ZC2HC1B: variants seen among roughly 807,000 people sequenced by gnomAD.
ZC2HC1B encodes zinc finger C2HC domain-containing protein 1B.
ZC2HC1B carries 36 observed loss-of-function variants against 31.0 expected under a neutral mutation model. That is an observed-to-expected ratio of 1.16 (90% CI 0.89 to 1.54). The LOEUF (loss-of-function observed/expected upper bound fraction) is 1.54. ZC2HC1B is among the 40% of genes most tolerant of loss of function. The pLI, the probability that ZC2HC1B is intolerant of heterozygous loss-of-function variation, is 0.00. For synonymous variants in ZC2HC1B, 73 were observed against 88.0 expected (o/e 0.83, Z 0.95); for missense variants, 260 against 268.6 (o/e 0.97, Z 0.22).
chr6:143,890,523 T>C (rs1452281483), intron 4 of ZC2HC1B, among the ~76,000 whole-genome samples: 1 of 152,008 alleles, frequency 6.6e-6, no homozygotes, highest in East Asian at 1.9e-4. Flanking sequence ...ACTTTCCCAC[T>C]GAGATCAGGA....
intron 4 of ZC2HC1B, among the ~76,000 whole-genome samples, chr6:143,891,130 CAAA>C (rs537109022): frequency 6.4e-5 from 5 of 77,860 alleles, no homozygotes; most frequent in Admixed American, 1.3e-4. Flanking sequence ...GACTCCATCT[CAAA>C]AAAAAAAAAA....
chr6:143,867,944 C>G (rs1777286561), intron 1 of ZC2HC1B, among the ~76,000 whole-genome samples: 1 of 152,148 alleles, frequency 6.6e-6, no homozygotes, highest in African/African-American at 2.4e-5. Context: ...AAATGGGGTA[C>G]AGGGGATGTA....
Position 143,886,183 on chromosome 6 carries a change from T to C in ZC2HC1B, c.210+32T>C. 6.7e-7 allele frequency: 1 copy of C among 1,496,194 alleles called. No individual in the cohort carries two copies. Among genetic ancestry groups the C allele is most frequent in the South Asian group, 1.4e-5 (1 of 73,244 alleles). 92.7% of individuals were successfully genotyped at this position (1,496,194 alleles called of 1,614,324 possible). On this transcript the variant is annotated intron_variant, in intron 3 of 7. Transcript: ENST00000237275. The surrounding 1 kb of genome is among the most constrained non-coding windows in gnomAD (Gnocchi z 4.2). ...CTGATATCTTCTTTAGTGTTTGTTATTACATTCTGCGGTACTGTAAGGCCT... is the reference window on the plus strand; with the variant it reads ...CTGATATCTTCTTTAGTGTTTGTTACTACATTCTGCGGTACTGTAAGGCCT...
chr6:143,909,378 C>T (rs1366997014), intron 6 of ZC2HC1B, among the ~76,000 whole-genome samples: 1 of 151,734 alleles, frequency 6.6e-6, no homozygotes, highest in Non-Finnish European at 1.5e-5. Flanking sequence ...GCCTGGGTGA[C>T]AGAGCTAGAC....
chr6:143,925,277 G>A (rs1275300611), intron 6 of ZC2HC1B, among the ~76,000 whole-genome samples: 2 of 143,056 alleles, frequency 1.4e-5, no homozygotes, highest in East Asian at 2.2e-4. Context: ...CCGGGTTCAC[G>A]CCATTCTCCT....
rs1413244869 is a variant in ZC2HC1B at position 143,899,298 on chromosome 6, A to G, written c.489+607A>G. On this transcript the variant is annotated intron_variant, in intron 5 of 7. Transcript: ENST00000237275. This position sits in a 1 kb window ranked among gnomAD's most constrained non-coding sequence, Gnocchi z 5.0. ...AAGGTCTCAGGTACATACTTACAAT[A>G]TAGCATAAAAACTATTAGTTTCATA... Among the ~76,000 whole-genome samples the G allele has an allele frequency of 6.6e-6, 1 of 152,232 alleles. No homozygotes were observed. The highest frequency in any genetic ancestry group is 6.5e-5 in the Admixed American group (1 of 15,288).
Position 143,869,508 on chromosome 6 carries a change from A to G in ZC2HC1B, c.28+4941A>G, listed in dbSNP as rs1777310553. Among the ~76,000 whole-genome samples, 1 of 152,200 alleles carries G rather than the reference A, an allele frequency of 6.6e-6. No individual in the cohort carries two copies. Among genetic ancestry groups the G allele is most frequent in the Non-Finnish European group, 1.5e-5 (1 of 68,038 alleles). ...GCCTCTCTCTCTGTAAAGAGAGGCA[A>G]TGCTGTGTGGAATACCATGACAGTG... On this transcript the variant is annotated intron_variant, in intron 1 of 7. Coordinates refer to ENST00000237275, the MANE Select transcript of ZC2HC1B (RefSeq NM_001013623.3). The surrounding 1 kb of genome is among the most constrained non-coding windows in gnomAD (Gnocchi z 5.2).
rs558312325 is a variant in ZC2HC1B, at chr6:143,879,797, T to G, written c.29-4507T>G. The stretch of plus-strand genomic sequence containing the variant: ...GTAATGTTTGTTTGTTTTTGTTTTT[T>G]TTTTTTTCCTGCTCAAGTTGTCCCT... On this transcript the variant is annotated intron_variant, in intron 1 of 7. Transcript: ENST00000237275. Among the ~76,000 whole-genome samples the G allele has an allele frequency of 5.3e-5, 8 of 151,256 alleles. No homozygotes were observed. The South Asian group carries it at 6.3e-4, about 12-fold the overall frequency.
intron 6 of ZC2HC1B, among the ~76,000 whole-genome samples, chr6:143,928,824 G>GTTTTTTTTTTTTTTTTTTTTT (rs59359194): frequency 7.0e-6 from 1 of 142,312 alleles, no homozygotes; most frequent in Non-Finnish European, 1.5e-5. Flanking sequence ...TATTCCTAGG[G>GTTTTTTTTTTTTTTTTTTTTT]TTTTTTTTTT....
intron 6 of ZC2HC1B, among the ~76,000 whole-genome samples, chr6:143,907,500 G>A (rs1777810090): frequency 6.6e-6 from 1 of 152,156 alleles, no homozygotes; most frequent in African/African-American, 2.4e-5. Context: ...GTATCTCATT[G>A]TGGTTTTGAT....
intron 6 of ZC2HC1B, among the ~76,000 whole-genome samples, chr6:143,910,913 C>T (rs1020698459): frequency 3.3e-5 from 5 of 152,040 alleles, no homozygotes; most frequent in African/African-American, 9.7e-5. Flanking sequence ...CCACCATGCC[C>T]AGCTGGTTTT....
At position 143,877,910 on chromosome 6, in the gene ZC2HC1B, A is replaced by G. The variant is rs1022951549; in HGVS notation, c.29-6394A>G. ...TTGGCAAGCAGAGTCCTCTAAGCCA[A>G]GTAGAAGAAGATGGGCATGTGGATA... On this transcript the variant is annotated intron_variant, in intron 1 of 7. Transcript: ENST00000237275. Among the ~76,000 whole-genome samples, 9 of 150,738 alleles carry G rather than the reference A, an allele frequency of 6.0e-5. 1 individual carries two copies. Among genetic ancestry groups the G allele is most frequent in the African/African-American group, 2.2e-4 (9 of 40,912 alleles).
intron 6 of ZC2HC1B, among the ~76,000 whole-genome samples, chr6:143,906,823 G>A (rs1489554273): frequency 6.6e-6 from 1 of 151,608 alleles, no homozygotes; most frequent in African/African-American, 2.4e-5. Flanking sequence ...TGTGCAGGAT[G>A]TGCAGGTTTA....
intron 6 of ZC2HC1B, among the ~76,000 whole-genome samples, chr6:143,925,290 G>T (rs553155766): frequency 6.9e-6 from 1 of 144,760 alleles, no homozygotes; most frequent in African/African-American, 2.6e-5. Flanking sequence ...ATTCTCCTGC[G>T]TCAGCCTCCC....
chr6:143,875,927 A>G (rs1777403168), intron 1 of ZC2HC1B, among the ~76,000 whole-genome samples: 1 of 150,424 alleles, frequency 6.6e-6, no homozygotes. Context: ...TTCTGGCAAA[A>G]AAGCCTCATC....
intron 6 of ZC2HC1B, among the ~76,000 whole-genome samples, chr6:143,906,961 G>GTGT (rs1205352134): frequency 6.6e-6 from 1 of 152,058 alleles, no homozygotes; most frequent in East Asian, 1.9e-4. Flanking sequence ...GCCCCATTGT[G>GTGT]TGTTGTTCTC....
At chr6:143,930,981 A>T (rs547941900) in intron 6 of ZC2HC1B, among the ~76,000 whole-genome samples, 2 of 152,290 alleles carry the variant, frequency 1.3e-5, no homozygotes, top group South Asian at 4.1e-4. Context: ...TGAAGTCCCC[A>T]CTATTAGTGT....
rs532500681 is a variant in ZC2HC1B at position 143,909,422 on chromosome 6, G to T, written c.598+6270G>T. Among the ~76,000 whole-genome samples the T allele has an allele frequency of 4.8e-3, 732 of 151,888 alleles. 5 individuals carry two copies. Among genetic ancestry groups the T allele is most frequent in the African/African-American group, 0.017 (699 of 41,438 alleles). On this transcript the variant is annotated intron_variant, in intron 6 of 7. Coordinates refer to ENST00000237275, the MANE Select transcript of ZC2HC1B (RefSeq NM_001013623.3). Reference sequence around the variant, plus strand: ...AAAAAAGAAAAAAAAATAAGTTAGGGAAGATTCCCCCTCCTTTTCAATTTT... The same window carrying T: ...AAAAAAGAAAAAAAAATAAGTTAGGTAAGATTCCCCCTCCTTTTCAATTTT...
At chr6:143,902,395 C>T (rs888123520) in intron 5 of ZC2HC1B, among the ~76,000 whole-genome samples, 2 of 152,152 alleles carry the variant, frequency 1.3e-5, no homozygotes, top group Admixed American at 1.3e-4. Context: ...TGGGGATGAG[C>T]TGCCTCCTAT....
Sources: gnomAD v4.1 joint callset for allele counts (sites outside exome capture counted in the v4.1 genomes callset) on GRCh38, gnomAD v4.1.1 for gene constraint, Gnocchi (gnomAD v3.1) non-coding constraint, MANE v1.5 for transcripts, NCBI Gene and HGNC (gene_info 2026-07-23, HGNC 2026-07-21) for gene names.